RBM20: variants seen among roughly 807,000 people sequenced by gnomAD.
RBM20 encodes RNA binding motif protein 20, also known as RNA-binding protein 20.
Under a neutral mutation model 110.1 loss-of-function variants are expected in RBM20, and 51 were observed. The ratio of observed to expected loss-of-function variants is 0.46; its 90% CI spans 0.37 to 0.59. The LOEUF is 0.59. Among genes scored for constraint, RBM20 ranks in the 20% least tolerant of loss-of-function variants. The pLI is 0.00. For missense variants in RBM20, 1,512 were observed against 1,574.9 expected (o/e 0.96, Z 0.68); for synonymous variants, 589 against 618.2 (o/e 0.95, Z 0.70).
intron 9 of RBM20, 140 bp downstream of exon 9, chr10:110,813,087 A>G: frequency 1.6e-6 from 1 of 613,090 alleles, no homozygotes; most frequent in East Asian, 3.0e-5. Context: ...TGTGCAAGAC[A>G]CTTTATCTCA....
chr10:110,818,667 C>T (rs770255442), intron 9 of RBM20, among the ~76,000 whole-genome samples: 31 of 152,234 alleles, frequency 2.0e-4, no homozygotes, highest in Non-Finnish European at 2.9e-4. Context: ...GCTTTCAGCC[C>T]GGCTAGCAAG....
At chr10:110,715,267 AAAAC>A (rs971970137) in intron 1 of RBM20, among the ~76,000 whole-genome samples, 6 of 152,196 alleles carry the variant, frequency 3.9e-5, no homozygotes, top group Admixed American at 2.0e-4. Context: ...ACAAACAAAC[AAAAC>A]AAACAAAGAA....
intron 1 of RBM20, among the ~76,000 whole-genome samples, chr10:110,708,628 T>A (rs1444850180): frequency 3.3e-5 from 5 of 152,272 alleles, no homozygotes; most frequent in African/African-American, 1.2e-4. Flanking sequence ...TGGCTATTGC[T>A]GAAAGCTGGG....
intron 1 of RBM20, among the ~76,000 whole-genome samples, chr10:110,742,026 A>G (rs558322840): frequency 6.6e-6 from 1 of 152,330 alleles, no homozygotes; most frequent in South Asian, 2.1e-4. Flanking sequence ...AAGTTGAGAC[A>G]CCAGGTTCAG....
chr10:110,691,071 G>T (rs1862579300), intron 1 of RBM20, among the ~76,000 whole-genome samples: 1 of 152,164 alleles, frequency 6.6e-6, no homozygotes, highest in Non-Finnish European at 1.5e-5. Flanking sequence ...CTCTTGAATG[G>T]GATTAGTATC....
At chr10:110,783,710 T>G (rs1437574085) in intron 3 of RBM20, among the ~76,000 whole-genome samples, 1 of 152,226 alleles carries the variant, frequency 6.6e-6, no homozygotes, top group African/African-American at 2.4e-5. Context: ...TTTTCTGGCT[T>G]TCATTTTTTT....
chr10:110,724,040 AG>A (rs1176567990), intron 1 of RBM20, among the ~76,000 whole-genome samples: 1 of 152,228 alleles, frequency 6.6e-6, no homozygotes, highest in Non-Finnish European at 1.5e-5. Flanking sequence ...AGGCTCAGAA[AG>A]GTTACATTAC....
chr10:110,658,270 T>C (rs2134818609), intron 1 of RBM20, among the ~76,000 whole-genome samples: 1 of 152,264 alleles, frequency 6.6e-6, no homozygotes, highest in African/African-American at 2.4e-5. Flanking sequence ...AGGGGAAACT[T>C]ACACACCTGT....
chr10:110,646,798 C>G (rs1321962358), intron 1 of RBM20, among the ~76,000 whole-genome samples: 2 of 152,322 alleles, frequency 1.3e-5, no homozygotes, highest in Admixed American at 1.3e-4. Flanking sequence ...TTTGCATCAG[C>G]CATCTTTGAG....
intron 1 of RBM20, among the ~76,000 whole-genome samples, chr10:110,763,194 G>T (rs556968498): frequency 6.6e-6 from 1 of 152,166 alleles, no homozygotes; most frequent in Non-Finnish European, 1.5e-5. Context: ...AAACATATCC[G>T]ACTGGCTTTC....
At chr10:110,825,253 G>A (rs1844969014) in intron 12 of RBM20, among the ~76,000 whole-genome samples, 1 of 152,156 alleles carries the variant, frequency 6.6e-6, no homozygotes, top group Non-Finnish European at 1.5e-5. Context: ...GGATAACATG[G>A]TACTGTGCTA....
chr10:110,709,562 CTTTT>C (rs10713170), intron 1 of RBM20, among the ~76,000 whole-genome samples: 1 of 135,456 alleles, frequency 7.4e-6, no homozygotes. Context: ...GTGATAATTT[CTTTT>C]TTTTTTTTTT....
In RBM20 at chr10:110,650,858, A is replaced by T. The variant is rs576743001; in HGVS notation, c.191+6213A>T. 1.1e-4 allele frequency among the ~76,000 whole-genome samples: 17 copies of T among 152,302 alleles called. 1 individual carries two copies. The South Asian group carries it at 3.5e-3, about 32-fold the overall frequency. On this transcript the variant is annotated intron_variant, in intron 1 of 13. Coordinates refer to ENST00000369519, the MANE Select transcript of RBM20 (RefSeq NM_001134363.3). ...AGTAGACTAGGTAATATATATTTTA[A>T]AGATGCATTGGTTTCACTAAATCTC...
chr10:110,752,937 ATATATATATT>A (rs1338153593), intron 1 of RBM20, among the ~76,000 whole-genome samples: 9 of 80,464 alleles, frequency 1.1e-4, no homozygotes, highest in East Asian at 1.1e-3. Flanking sequence ...ATATATATAT[ATATATATATT>A]TTTTTTTTTT....
chr10:110,773,871 G>A (rs1844225776), intron 1 of RBM20, among the ~76,000 whole-genome samples: 1 of 152,144 alleles, frequency 6.6e-6, no homozygotes, highest in Admixed American at 6.5e-5. Context: ...GATAAGCGAC[G>A]TACGGAGCAC....
chr10:110,783,295 C>A, intron 2 of RBM20, 71 bp from the exon 3 acceptor site: 1 of 1,209,354 alleles, frequency 8.3e-7, no homozygotes, highest in Non-Finnish European at 1.2e-6. Context: ...TGACCAGTGT[C>A]TCTGTGCTCA....
At chr10:110,662,014 A>AAAAC (rs1202081915) in intron 1 of RBM20, among the ~76,000 whole-genome samples, 1 of 150,358 alleles carries the variant, frequency 6.7e-6, no homozygotes, top group African/African-American at 2.4e-5. Flanking sequence ...GGTCTCAGGA[A>AAAAC]AAAAAAAAAA....
chr10:110,826,521 C>A (rs1305447120), intron 12 of RBM20, among the ~76,000 whole-genome samples: 1 of 151,110 alleles, frequency 6.6e-6, no homozygotes, highest in Non-Finnish European at 1.5e-5. Context: ...GCTTCTTTTG[C>A]TCAACATCAT....
intron 1 of RBM20, among the ~76,000 whole-genome samples, chr10:110,717,454 C>G (rs1863036491): frequency 6.6e-6 from 1 of 151,990 alleles, no homozygotes; most frequent in Admixed American, 6.5e-5. Context: ...TACTGGAGTT[C>G]CTGGGTGACA....
Sources: allele counts gnomAD v4.1 joint callset (sites outside exome capture counted in the v4.1 genomes callset), GRCh38; gene constraint gnomAD v4.1.1; transcripts MANE v1.5; gene names NCBI Gene and HGNC (gene_info 2026-07-23, HGNC 2026-07-21).